NCALD: variants seen among roughly 807,000 people sequenced by gnomAD.
NCALD encodes the protein neurocalcin delta, also known as neurocalcin-delta.
Under a neutral mutation model 18.6 loss-of-function variants are expected in NCALD, and 10 were observed. The ratio of observed to expected loss-of-function variants is 0.54; its 90% CI spans 0.33 to 0.91. The LOEUF (loss-of-function observed/expected upper bound fraction) is 0.91. NCALD is among the 40% of genes least tolerant of loss of function. The probability of loss-of-function intolerance (pLI) is 0.03; values close to 1 mark genes in which losing one functional copy is unlikely to be tolerated. For missense variants in NCALD, 184 were observed against 247.6 expected (o/e 0.74, Z 1.72); for synonymous variants, 88 against 87.4 (o/e 1.01, Z -0.04).
chr8:101,986,073 C>G (rs1310398918), intron 2 of NCALD, among the ~76,000 whole-genome samples: 18 of 152,030 alleles, frequency 1.2e-4, no homozygotes, highest in Admixed American at 1.2e-3. Context: ...GAGTATCACT[C>G]TGTCGCCCAG....
intron 1 of NCALD, among the ~76,000 whole-genome samples, chr8:102,065,509 C>T (rs907892395): frequency 1.3e-5 from 2 of 152,128 alleles, no homozygotes; most frequent in Non-Finnish European, 2.9e-5. Context: ...TACATTGCAG[C>T]GAGAGACACA....
At chr8:102,122,210 T>C (rs557419593) in intron 1 of NCALD, among the ~76,000 whole-genome samples, 34 of 151,818 alleles carry the variant, frequency 2.2e-4, no homozygotes, top group Non-Finnish European at 1.6e-4. Context: ...ACAAGGAAGG[T>C]TGGGGAGATG....
rs149587917 is a variant in NCALD at position 101,749,567 on chromosome 8, C to T, written c.-19-29919G>A. On this transcript the variant is annotated intron_variant, in intron 1 of 3. Coordinates refer to ENST00000220931, the MANE Select transcript of NCALD (RefSeq NM_032041.3). ...TACTCTTGGAGCCTCAGTAATCTCA[C>T]CTGCAAAATAGGGATAATAATGAGT... 1.5e-4 allele frequency among the ~76,000 whole-genome samples: 23 copies of T among 152,196 alleles called. No individual in the cohort carries two copies. In the East Asian group the frequency reaches 4.4e-3, roughly 29 times the overall value.
chr8:102,062,805 T>A (rs1823890013), intron 1 of NCALD, among the ~76,000 whole-genome samples: 1 of 152,170 alleles, frequency 6.6e-6, no homozygotes, highest in Admixed American at 6.5e-5. Flanking sequence ...CAAGCTCTTA[T>A]AAAGCCTCTG....
intron 1 of NCALD, among the ~76,000 whole-genome samples, chr8:101,734,047 G>A (rs1285275723): frequency 6.6e-6 from 1 of 152,148 alleles, no homozygotes; most frequent in African/African-American, 2.4e-5. Context: ...TGGCTGTGTT[G>A]ATGGCCTTCT....
chr8:101,915,340 G>A (rs577421777), intron 3 of NCALD, among the ~76,000 whole-genome samples: 35 of 152,262 alleles, frequency 2.3e-4, no homozygotes, highest in African/African-American at 7.2e-4. Context: ...TCACCCACAC[G>A]TTCATTCTCT....
intron 1 of NCALD, among the ~76,000 whole-genome samples, chr8:102,055,091 A>T (rs868121169): frequency 1.4e-4 from 21 of 152,140 alleles, no homozygotes; most frequent in South Asian, 2.1e-4. Context: ...GCCTCAGAAG[A>T]GCAACCCGGA....
intron 1 of NCALD, among the ~76,000 whole-genome samples, chr8:102,050,794 TTTAATTTAA>T (rs1269189677): frequency 4.8e-5 from 7 of 145,458 alleles, no homozygotes; most frequent in East Asian, 2.0e-4. Flanking sequence ...TTAACTAATT[TTTAATTTAA>T]TTAATTTAAT....
chr8:102,103,644 T>C (rs1825358647), intron 1 of NCALD, among the ~76,000 whole-genome samples: 1 of 152,170 alleles, frequency 6.6e-6, no homozygotes, highest in South Asian at 2.1e-4. Flanking sequence ...AGCCTTGACC[T>C]CATGGGCTCA....
chr8:101,813,346 T>C (rs1813376020), intron 4 of NCALD, among the ~76,000 whole-genome samples: 1 of 151,920 alleles, frequency 6.6e-6, no homozygotes, highest in Non-Finnish European at 1.5e-5. Flanking sequence ...TTAGAGGAAT[T>C]GAAAAGGATA....
At chr8:101,872,363 A>G in intron 4 of NCALD, 11 of 1,529,100 alleles carry the variant, frequency 7.2e-6, no homozygotes, top group Non-Finnish European at 9.0e-6. Flanking sequence ...TCCTCATTAA[A>G]CTCGTCTTCA....
chr8:101,886,199 C>G (rs1206696038), intron 4 of NCALD, among the ~76,000 whole-genome samples: 1 of 152,184 alleles, frequency 6.6e-6, no homozygotes, highest in Non-Finnish European at 1.5e-5. Context: ...CTTTCACTTT[C>G]TTGTTACATC....
intron 4 of NCALD, chr8:101,872,471 T>C (rs1172450774): frequency 1.1e-6 from 1 of 890,048 alleles, no homozygotes; most frequent in Non-Finnish European, 1.9e-6. Context: ...TCTGATTCTT[T>C]TATACTTTCC....
At chr8:102,080,018 G>C (rs1160635570) in intron 1 of NCALD, among the ~76,000 whole-genome samples, 1 of 152,174 alleles carries the variant, frequency 6.6e-6, no homozygotes, top group East Asian at 1.9e-4. Context: ...TAACAGGGAA[G>C]ACGTGATTGC....
At chr8:101,888,501 T>C (rs117184063) in intron 3 of NCALD, among the ~76,000 whole-genome samples, 93 of 152,094 alleles carry the variant, frequency 6.1e-4, no homozygotes, top group Non-Finnish European at 1.2e-3. Flanking sequence ...CAGTGTAACC[T>C]CAAACTTCTA....
In NCALD at chr8:101,882,460, G is replaced by A. The variant is rs146261252; in HGVS notation, c.-20+4681C>T. ...AGGAAATAGGACCTCGACAGACACC[G>A]AATCTGCCAGCACCTTAATCTTGGA... On this transcript the variant is annotated intron_variant, in intron 4 of 6. Coordinates refer to the NCALD transcript ENST00000311028. Among the ~76,000 whole-genome samples, 370 of 152,216 alleles carry A rather than the reference G, an allele frequency of 2.4e-3. 1 individual carries two copies. Among genetic ancestry groups the A allele is most frequent in the Non-Finnish European group, 3.8e-3 (259 of 68,006 alleles).
At chr8:101,691,022 T>C (rs1814704654) in intron 3 of NCALD, 1 of 985,272 alleles carries the variant, frequency 1.0e-6, no homozygotes. Flanking sequence ...TCTTTTCAAA[T>C]CGGAGGCCAG....
chr8:101,824,251 G>A (rs1048900058), intron 4 of NCALD, among the ~76,000 whole-genome samples: 5 of 151,886 alleles, frequency 3.3e-5, no homozygotes, highest in Admixed American at 2.6e-4. Context: ...CCTATCCATC[G>A]AGCCCTCTCA....
At chr8:101,889,496 T>A (rs989476339) in intron 3 of NCALD, among the ~76,000 whole-genome samples, 1 of 152,222 alleles carries the variant, frequency 6.6e-6, no homozygotes, top group Admixed American at 6.5e-5. Flanking sequence ...CTGAATACTA[T>A]ACAAACAGGC....
Sources: allele counts gnomAD v4.1 joint callset (sites outside exome capture counted in the v4.1 genomes callset), GRCh38; gene constraint gnomAD v4.1.1; transcripts MANE v1.5; gene names NCBI Gene and HGNC (gene_info 2026-07-23, HGNC 2026-07-21).